ANXA4: variants seen among roughly 807,000 people sequenced by gnomAD.
ANXA4 encodes the protein annexin A4.
In ANXA4, 39 loss-of-function variants were observed where a neutral mutation model predicts 49.8. The observed-to-expected ratio is 0.78, with a 90% CI of 0.61 to 1.02. The LOEUF (loss-of-function observed/expected upper bound fraction) is 1.02. Ranked by LOEUF, ANXA4 falls within the 50% of genes least tolerant of loss-of-function variation. The pLI is 0.00. For synonymous variants in ANXA4, 134 were observed against 152.5 expected, an observed-to-expected ratio of 0.88 and a Z score of 0.89; for missense variants, 360 against 410.1, an observed-to-expected ratio of 0.88 and a Z score of 1.05.
chr2:69,768,034 C>T (rs931500142), intron 1 of ANXA4, among the ~76,000 whole-genome samples: 4 of 151,556 alleles, frequency 2.6e-5, no homozygotes, highest in African/African-American at 4.9e-5. Flanking sequence ...ATAGTATATG[C>T]GAGTATATAT....
chr2:69,667,940 G>A (rs1677001188), intron 2 of ANXA4, among the ~76,000 whole-genome samples: 1 of 152,224 alleles, frequency 6.6e-6, no homozygotes, highest in South Asian at 2.1e-4. Context: ...GCCGGGACAA[G>A]CCGTCATGCT....
intron 1 of ANXA4, among the ~76,000 whole-genome samples, chr2:69,756,210 T>G (rs1228837132): frequency 1.3e-5 from 2 of 152,210 alleles, no homozygotes; most frequent in African/African-American, 4.8e-5. Context: ...CACCAGTCAC[T>G]TGGAAGCTAC....
At chr2:69,812,590 T>G in intron 7 of ANXA4, 63 bp from the exon 8 acceptor site, 1 of 1,410,652 alleles carries the variant, frequency 7.1e-7, no homozygotes, top group Non-Finnish European at 9.9e-7. Context: ...GCTATCTTAA[T>G]GGTGTCCCCA....
chr2:69,812,622 A>G, intron 7 of ANXA4, 31 bp from the exon 8 acceptor site: 1 of 1,599,720 alleles, frequency 6.3e-7, no homozygotes, highest in African/African-American at 1.3e-5. Context: ...ATACTCTCGA[A>G]TTATTTTTTA....
chr2:69,715,176 C>T (rs1275838689), intron 2 of ANXA4, among the ~76,000 whole-genome samples: 1 of 152,092 alleles, frequency 6.6e-6, no homozygotes, highest in Non-Finnish European at 1.5e-5. Context: ...TAAGGCCCTG[C>T]CTCAAGCAAA....
At chr2:69,755,873 T>A (rs1342289365) in intron 1 of ANXA4, among the ~76,000 whole-genome samples, 1 of 152,212 alleles carries the variant, frequency 6.6e-6, no homozygotes, top group South Asian at 2.1e-4. Flanking sequence ...TTATAAGTAA[T>A]TTGTATTTAA....
At chr2:69,800,156 G>A (rs1177983744) in intron 3 of ANXA4, among the ~76,000 whole-genome samples, 1 of 152,214 alleles carries the variant, frequency 6.6e-6, no homozygotes, top group Non-Finnish European at 1.5e-5. Flanking sequence ...TCCAGAGCTG[G>A]AGTTCAAGCC....
chr2:69,654,530 G>A (rs1676366880), intron 2 of ANXA4, among the ~76,000 whole-genome samples: 1 of 152,184 alleles, frequency 6.6e-6, no homozygotes, highest in Non-Finnish European at 1.5e-5. Flanking sequence ...CTTTCTGCAT[G>A]TATTGAGATA....
At chr2:69,794,828 G>A (rs1672868877) in intron 3 of ANXA4, among the ~76,000 whole-genome samples, 2 of 152,172 alleles carry the variant, frequency 1.3e-5, no homozygotes, top group African/African-American at 4.8e-5. Context: ...GTTCCCAAAA[G>A]AGAGAGGGGT....
intron 2 of ANXA4, among the ~76,000 whole-genome samples, chr2:69,663,293 CTTTTTTTTTTTTTTT>C (rs55970370): frequency 4.2e-3 from 182 of 42,842 alleles, no homozygotes; most frequent in African/African-American, 0.015. Context: ...TGCACCCGGC[CTTTTTTTTTTTTTTT>C]TTTTTTTTTT....
At chr2:69,730,577 A>G (rs979677994) in intron 3 of ANXA4, among the ~76,000 whole-genome samples, 10 of 152,154 alleles carry the variant, frequency 6.6e-5, no homozygotes, top group East Asian at 5.8e-4. Context: ...CTGAGGTTCA[A>G]TGTTCTTCAG....
At chr2:69,801,310 C>T (rs1673183933) in intron 3 of ANXA4, among the ~76,000 whole-genome samples, 1 of 151,800 alleles carries the variant, frequency 6.6e-6, no homozygotes, top group Admixed American at 6.6e-5. Flanking sequence ...TTTCAGGCTG[C>T]TCTTTGTTAG....
chr2:69,804,518 C>G lies in ANXA4; in HGVS notation c.98-15C>G, dbSNP rs770526195. On this transcript the variant is annotated splice_polypyrimidine_tract_variant and intron_variant, in intron 3 of 12. Coordinates refer to ENST00000394295, the MANE Select transcript of ANXA4 (RefSeq NM_001153.5). Reference sequence around the variant, plus strand: ...CTCAAATCACACTTACCTGCTGTCTCCCTTCTTCCCCCAGGCACCGATGAA... The same window carrying G: ...CTCAAATCACACTTACCTGCTGTCTGCCTTCTTCCCCCAGGCACCGATGAA... The G allele has an allele frequency of 1.2e-6, 2 of 1,609,032 alleles. No homozygotes were observed. The highest frequency in any genetic ancestry group is 2.2e-5 in the South Asian group (2 of 90,824).
At chr2:69,697,599 C>T (rs1678198914) in intron 2 of ANXA4, among the ~76,000 whole-genome samples, 1 of 152,194 alleles carries the variant, frequency 6.6e-6, no homozygotes. Flanking sequence ...TTTGACACAC[C>T]TTGCTTACTA....
intron 2 of ANXA4, among the ~76,000 whole-genome samples, chr2:69,693,814 AG>A (rs1199741596): frequency 6.6e-6 from 1 of 152,166 alleles, no homozygotes; most frequent in African/African-American, 2.4e-5. Context: ...ATGACAACAC[AG>A]GCCCCTTGTT....
intron 1 of ANXA4, among the ~76,000 whole-genome samples, chr2:69,775,101 A>G (rs1671910711): frequency 1.3e-5 from 2 of 152,324 alleles, no homozygotes; most frequent in Non-Finnish European, 2.9e-5. Flanking sequence ...TAACTTCTTC[A>G]CACTATACCC....
At chr2:69,718,715 G>A (rs1669721422) in intron 2 of ANXA4, among the ~76,000 whole-genome samples, 1 of 151,720 alleles carries the variant, frequency 6.6e-6, no homozygotes. Flanking sequence ...GCGCACACAT[G>A]CACACACATG....
At chr2:69,720,342 G>A (rs542440164) in intron 2 of ANXA4, among the ~76,000 whole-genome samples, 4 of 152,230 alleles carry the variant, frequency 2.6e-5, no homozygotes, top group Admixed American at 2.0e-4. Context: ...CCACTTTCAC[G>A]CAGGCTTTGC....
At chr2:69,783,633 C>T (rs565298040) in intron 2 of ANXA4, among the ~76,000 whole-genome samples, 6 of 152,260 alleles carry the variant, frequency 3.9e-5, no homozygotes, top group Non-Finnish European at 7.4e-5. Context: ...AATGCACATC[C>T]TTTAAGGTTA....
Sources: allele counts gnomAD v4.1 joint callset (sites outside exome capture counted in the v4.1 genomes callset), GRCh38; gene constraint gnomAD v4.1.1; transcripts MANE v1.5; gene names NCBI Gene and HGNC (gene_info 2026-07-23, HGNC 2026-07-21).